Variants in MYO18B observed in about 807,000 individuals in gnomAD.
The protein encoded by MYO18B is myosin XVIIIB.
MYO18B carries 204 observed loss-of-function variants against 273.0 expected under a neutral mutation model. The observed-to-expected ratio is 0.75, with a 90% CI of 0.67 to 0.84. MYO18B has a LOEUF of 0.84. Ranked by LOEUF, MYO18B falls within the 40% of genes least tolerant of loss-of-function variation. The pLI is 0.00. For synonymous variants in MYO18B, 1,330 were observed against 1,305.7 expected (o/e 1.02, Z -0.40); for missense variants, 3,212 against 3,287.6 (o/e 0.98, Z 0.56).
intron 12 of MYO18B, among the ~76,000 whole-genome samples, chr22:25,820,232 C>G (rs1183100296): frequency 6.6e-6 from 1 of 151,684 alleles, no homozygotes; most frequent in Non-Finnish European, 1.5e-5. Context: ...CAGTGATGCT[C>G]TTGTGACCAG....
chr22:26,049,580 A>G, the MYO18B span, among the ~76,000 whole-genome samples: 1 of 152,246 alleles, frequency 6.6e-6, no homozygotes, highest in African/African-American at 2.4e-5. Flanking sequence ...GTGCTCTTGA[A>G]AAAACAGTCC....
At chr22:25,817,296 T>C (rs1569061757) in intron 12 of MYO18B, among the ~76,000 whole-genome samples, 1 of 151,642 alleles carries the variant, frequency 6.6e-6, no homozygotes, top group Admixed American at 6.6e-5. Flanking sequence ...TTCTGTCTCT[T>C]TCTCTCTCTT....
At chr22:25,939,798 C>T (rs966339460) in intron 34 of MYO18B, among the ~76,000 whole-genome samples, 7 of 152,150 alleles carry the variant, frequency 4.6e-5, no homozygotes, top group African/African-American at 1.2e-4. Context: ...AGAGTGGGAA[C>T]TTCATGACCA....
intron 17 of MYO18B, among the ~76,000 whole-genome samples, 171 bp downstream of exon 17, chr22:25,835,614 G>T (rs1421907589): frequency 2.0e-5 from 3 of 152,222 alleles, no homozygotes; most frequent in Non-Finnish European, 2.9e-5. Context: ...TTCAGTGAAC[G>T]CATTGAGCAG....
At position 25,975,323 on chromosome 22, in the gene MYO18B, G is replaced by A. The variant is rs563087522; in HGVS notation, c.6157-17040G>A. 5.9e-5 allele frequency among the ~76,000 whole-genome samples: 9 copies of A among 152,290 alleles called. No individual in the cohort carries two copies. The South Asian group carries it at 8.3e-4, about 14-fold the overall frequency. The stretch of plus-strand genomic sequence containing the variant: ...TTCAGACTCCGTCAAAAGGAAGATC[G>A]CAAAAGTGTACGGAGGTAGCTTCAA... On this transcript the variant is annotated intron_variant, in intron 39 of 43. Coordinates refer to ENST00000335473, the MANE Select transcript of MYO18B (RefSeq NM_032608.7).
intron 25 of MYO18B, among the ~76,000 whole-genome samples, chr22:25,886,121 C>A (rs1368154796): frequency 6.6e-6 from 1 of 152,214 alleles, no homozygotes; most frequent in Non-Finnish European, 1.5e-5. Flanking sequence ...TCTGCCACCT[C>A]GAGACAACAT....
intron 34 of MYO18B, among the ~76,000 whole-genome samples, chr22:25,944,338 G>A (rs896295171): frequency 3.9e-5 from 6 of 152,260 alleles, no homozygotes; most frequent in Admixed American, 2.6e-4. Context: ...CCAACTGCAG[G>A]AATACATTTT....
chr22:25,832,261 C>G (rs2089734768), intron 15 of MYO18B, among the ~76,000 whole-genome samples: 1 of 152,028 alleles, frequency 6.6e-6, no homozygotes, highest in African/African-American at 2.4e-5. Context: ...TGGGTATGTA[C>G]TGAAAAGAAT....
intron 21 of MYO18B, among the ~76,000 whole-genome samples, chr22:25,868,063 C>T (rs537113616): frequency 2.0e-5 from 3 of 152,282 alleles, no homozygotes; most frequent in South Asian, 4.1e-4. Context: ...TATTTCATTT[C>T]GTATCTTTGG....
At chr22:25,804,936 A>C (rs1408392621) in intron 12 of MYO18B, among the ~76,000 whole-genome samples, 1 of 152,186 alleles carries the variant, frequency 6.6e-6, no homozygotes, top group Non-Finnish European at 1.5e-5. Flanking sequence ...CATGCTGCGC[A>C]AAAGGTGTGG....
intron 36 of MYO18B, among the ~76,000 whole-genome samples, chr22:25,949,632 A>G (rs1287250743): frequency 1.3e-5 from 2 of 152,344 alleles, no homozygotes; most frequent in East Asian, 3.9e-4. Flanking sequence ...AATTGATGAT[A>G]TCATCCACAT....
rs372724115 is a variant in MYO18B at position 25,776,944 on chromosome 22, T to C, written c.1870-639T>C. Among the ~76,000 whole-genome samples, 229 of 152,202 alleles carry C rather than the reference T, an allele frequency of 1.5e-3. 10 individuals are homozygous for C. The South Asian group carries it at 0.046, about 31-fold the overall frequency. On this transcript the variant is annotated intron_variant, in intron 7 of 43. Transcript: ENST00000335473. ...CTTCACCAAAACTTGGTAGTGACTG[T>C]TAAATGTTTTTTTCAGCCATTGTAA...
intron 29 of MYO18B, among the ~76,000 whole-genome samples, chr22:25,901,806 G>GTTTTTT (rs34278088): frequency 9.8e-5 from 9 of 92,210 alleles, no homozygotes; most frequent in Non-Finnish European, 1.6e-4. Context: ...TTTTGGGTTG[G>GTTTTTT]TTTTTTTTTT....
intron 42 of MYO18B, among the ~76,000 whole-genome samples, chr22:26,019,308 T>A (rs1265670770): frequency 1.3e-5 from 2 of 152,202 alleles, no homozygotes; most frequent in African/African-American, 4.8e-5. Context: ...TTGGGAGCCA[T>A]GGGCCTGGGG....
the MYO18B span, among the ~76,000 whole-genome samples, chr22:26,063,275 G>C: frequency 6.6e-6 from 1 of 152,200 alleles, no homozygotes; most frequent in Non-Finnish European, 1.5e-5. Context: ...GAAGTGCCAA[G>C]AATACAGGTG....
chr22:25,940,310 G>C (rs2092629602), intron 34 of MYO18B, among the ~76,000 whole-genome samples: 1 of 152,154 alleles, frequency 6.6e-6, no homozygotes, highest in African/African-American at 2.4e-5. Flanking sequence ...ATAAAGGGGA[G>C]TTTCCCTGCA....
chr22:26,061,893 C>CA, the MYO18B span, among the ~76,000 whole-genome samples: 65,410 of 151,546 alleles, frequency 0.43, 14,288 homozygotes, highest in African/African-American at 0.5. Context: ...TGCTGAAAAA[C>CA]AAAAAAAATC....
At chr22:25,849,124 G>A (rs973312182) in intron 20 of MYO18B, among the ~76,000 whole-genome samples, 4 of 152,258 alleles carry the variant, frequency 2.6e-5, no homozygotes, top group African/African-American at 9.6e-5. Flanking sequence ...ATTCTATTTG[G>A]CTGCTTGGCA....
Position 25,843,801 on chromosome 22 carries a change from A to G in MYO18B, c.3275A>G (p.Asp1092Gly). 1.2e-6 allele frequency: 2 copies of G among 1,613,812 alleles called. No homozygotes were observed. Among genetic ancestry groups the G allele is most frequent in the South Asian group, 1.1e-5 (1 of 91,056 alleles). The stretch of plus-strand genomic sequence containing the variant: ...GAGATTTTCCACCAGTTGGGATGGG[A>G]CCCTGTGCGGTACGACCTCACGGGC... Reference protein sequence around the residue: ...QCEIFHQLGWDPVRYDLTGWL... With the variant: ...QCEIFHQLGWGPVRYDLTGWL... The change falls in exon 18 of 44, where the codon GAC becomes GGC. Residue 1092 changes from aspartate to glycine, a missense_variant. Asp to Gly is a moderately conservative substitution (Grantham distance 94, BLOSUM62 -1). Transcript: ENST00000335473.
Sources: gnomAD v4.1 joint callset for allele counts (sites outside exome capture counted in the v4.1 genomes callset) on GRCh38, gnomAD v4.1.1 for gene constraint, MANE v1.5 for transcripts, NCBI Gene and HGNC (gene_info 2026-07-23, HGNC 2026-07-21) for gene names.